Variants in ARHGAP17 observed in about 807,000 individuals in gnomAD.
The protein encoded by ARHGAP17 is Rho GTPase activating protein 17, also known as rho GTPase-activating protein 17.
Under a neutral mutation model 99.5 loss-of-function variants are expected in ARHGAP17, and 57 were observed. The ratio of observed to expected loss-of-function variants is 0.57; its 90% CI spans 0.46 to 0.71. The LOEUF (loss-of-function observed/expected upper bound fraction) is 0.71. ARHGAP17 is among the 30% of genes least tolerant of loss of function. The probability of loss-of-function intolerance (pLI) is 0.00; values close to 1 mark genes in which losing one functional copy is unlikely to be tolerated. For missense variants in ARHGAP17, 1,000 were observed against 1,122.4 expected (o/e 0.89, Z 1.56); for synonymous variants, 417 against 429.6 (o/e 0.97, Z 0.36).
At chr16:24,980,908 C>G (rs915505080) in intron 1 of ARHGAP17, among the ~76,000 whole-genome samples, 1 of 152,102 alleles carries the variant, frequency 6.6e-6, no homozygotes, top group Non-Finnish European at 1.5e-5. Context: ...CGAGTATACA[C>G]AGAGAAGTCT....
In ARHGAP17 at chr16:24,979,020, A is replaced by T; in HGVS notation, c.54-15T>A. 1 of 1,570,060 alleles carries T rather than the reference A, an allele frequency of 6.4e-7. No individual in the cohort carries two copies. The highest frequency in any genetic ancestry group is 8.6e-7 in the Non-Finnish European group (1 of 1,157,582). ...TTTTCTCAGCTCTGTGGGAAAAATT[A>T]AAAATTCAGAGTTAGAAATCCAAAA... is the stretch of plus-strand genomic sequence containing the variant. On this transcript the variant is annotated splice_polypyrimidine_tract_variant and intron_variant, in intron 1 of 19. Transcript: ENST00000289968.
Position 24,993,958 on chromosome 16 carries a change from C to T in ARHGAP17, c.54-14953G>A, listed in dbSNP as rs537463405. ...AACCTTCCAAACTGGGCTTTGCAAA[C>T]GTAGGACTGTAACTCCAAAAATGAC... On this transcript the variant is annotated intron_variant, in intron 1 of 19. Coordinates refer to ENST00000289968, the MANE Select transcript of ARHGAP17 (RefSeq NM_001006634.3). 4.6e-5 allele frequency among the ~76,000 whole-genome samples: 7 copies of T among 152,234 alleles called. No individual in the cohort carries two copies. In the South Asian group the frequency reaches 1.0e-3, roughly 23 times the overall value.
chr16:24,956,761 T>A (rs941984617), intron 9 of ARHGAP17: 2 of 152,368 alleles, frequency 1.3e-5, no homozygotes, highest in South Asian at 4.1e-4. Flanking sequence ...CATCAAACCA[T>A]CTGGTTTTCA....
At position 24,961,911 on chromosome 16, in the gene ARHGAP17, T is replaced by TTATATATATATATATATATATATATA. The variant is rs67952203; in HGVS notation, c.574-1933_574-1932insTATATATATATATATATATATATATA. Among the ~76,000 whole-genome samples the TTATATATATATATATATATATATATA allele has an allele frequency of 2.6e-3, 334 of 129,868 alleles. 4 individuals carry two copies. Among genetic ancestry groups the TTATATATATATATATATATATATATA allele is most frequent in the African/African-American group, 0.01 (326 of 31,212 alleles). The allele number at this position is 129,868 out of a possible 152,430, so 85.2% of individuals were successfully genotyped here. A position where few individuals can be genotyped will look rare whatever the true frequency, so the allele number is the denominator to read the frequency against. ...TCAAATATAAATATACATAGGAATT[T>TTATATATATATATATATATATATATA]TATATATATATATATATATGAAAAC... is the stretch of plus-strand genomic sequence containing the variant. On this transcript the variant is annotated intron_variant, in intron 7 of 19. Coordinates refer to ENST00000289968, the MANE Select transcript of ARHGAP17 (RefSeq NM_001006634.3).
chr16:24,934,812 T>A (rs191881327), intron 18 of ARHGAP17, among the ~76,000 whole-genome samples: 1 of 152,254 alleles, frequency 6.6e-6, no homozygotes, highest in East Asian at 1.9e-4. Context: ...CATGTGAAGA[T>A]ATGGGACAGA....
rs1187358009 is a variant in ARHGAP17, at chr16:24,952,502, AAG to A, written c.965-134_965-133del. The A allele has an allele frequency of 6.4e-6, 4 of 627,322 alleles. No individual in the cohort carries two copies. In the Admixed American group the frequency reaches 1.1e-4, roughly 17 times the overall value. 38.9% of individuals were successfully genotyped at this position (627,322 alleles called of 1,614,324 possible). On this transcript the variant is annotated intron_variant, in intron 11 of 19. Coordinates refer to ENST00000289968, the MANE Select transcript of ARHGAP17 (RefSeq NM_001006634.3). ...TGTACATAACAAATCATAAGTTGGC[AAG>A]AGTTGTTAGAGACTAAAATGTTCAT...
chr16:24,985,821 C>T (rs768343958), intron 1 of ARHGAP17, among the ~76,000 whole-genome samples: 9 of 152,054 alleles, frequency 5.9e-5, no homozygotes, highest in African/African-American at 1.4e-4. Flanking sequence ...CACACACATA[C>T]GTACACACAC....
At chr16:24,940,437 A>C (rs950829023) in intron 16 of ARHGAP17, among the ~76,000 whole-genome samples, 2 of 152,212 alleles carry the variant, frequency 1.3e-5, no homozygotes, top group Admixed American at 1.3e-4. Context: ...TCACACCTGT[A>C]ATCTTAGCAC....
At chr16:24,960,603 G>C (rs996728187) in intron 7 of ARHGAP17, among the ~76,000 whole-genome samples, 1 of 151,740 alleles carries the variant, frequency 6.6e-6, no homozygotes, top group African/African-American at 2.4e-5. Flanking sequence ...GGATCACAAC[G>C]TCAGGAGATT....
chr16:24,949,549 T>A, intron 12 of ARHGAP17, 65 bp from the exon 13 acceptor site: 3 of 1,407,716 alleles, frequency 2.1e-6, no homozygotes, highest in South Asian at 2.5e-5. Flanking sequence ...TAATATGCTA[T>A]GTTAAAAATG....
At chr16:25,008,758 C>T (rs1221470371) in intron 1 of ARHGAP17, among the ~76,000 whole-genome samples, 1 of 152,130 alleles carries the variant, frequency 6.6e-6, no homozygotes, top group South Asian at 2.1e-4. Context: ...AAAAATGATG[C>T]TAAATGAACA....
intron 1 of ARHGAP17, among the ~76,000 whole-genome samples, chr16:24,998,008 C>T (rs761176548): frequency 2.0e-5 from 3 of 151,870 alleles, no homozygotes; most frequent in Admixed American, 6.6e-5. Flanking sequence ...GCAGAGAAGA[C>T]GGAGGCTGAG....
intron 8 of ARHGAP17, 58 bp from the exon 9 acceptor site, chr16:24,959,810 C>T (rs1382472429): frequency 1.2e-6 from 2 of 1,606,084 alleles, no homozygotes; most frequent in Admixed American, 3.4e-5. Flanking sequence ...TGGACACACA[C>T]ACAATGGCTG....
At position 24,945,456 on chromosome 16, in the gene ARHGAP17, C is replaced by G. The variant is rs146116272; in HGVS notation, c.1242-1594G>C. On this transcript the variant is annotated intron_variant, in intron 14 of 19. Coordinates refer to ENST00000289968, the MANE Select transcript of ARHGAP17 (RefSeq NM_001006634.3). Reference sequence around the variant, plus strand: ...CAAACCACCTGCAAAAGGCCTGACACTTTCTGGCCACCTACCAGGCTTCAG... The same window carrying G: ...CAAACCACCTGCAAAAGGCCTGACAGTTTCTGGCCACCTACCAGGCTTCAG... Among the ~76,000 whole-genome samples, 699 of 152,298 alleles carry G rather than the reference C, an allele frequency of 4.6e-3. 2 individuals are homozygous for G. Among genetic ancestry groups the G allele is most frequent in the Admixed American group, 9.0e-3 (138 of 15,300 alleles).
intron 1 of ARHGAP17, among the ~76,000 whole-genome samples, chr16:24,988,553 T>C (rs1332739209): frequency 6.6e-6 from 1 of 152,214 alleles, no homozygotes; most frequent in East Asian, 1.9e-4. Context: ...TAAATGACAA[T>C]AAAAGCCTTC....
intron 1 of ARHGAP17, among the ~76,000 whole-genome samples, chr16:24,997,277 C>A (rs2053222736): frequency 6.6e-6 from 1 of 152,016 alleles, no homozygotes; most frequent in South Asian, 2.1e-4. Context: ...AGTACACACC[C>A]AGACTCATAT....
intron 7 of ARHGAP17, 21 bp downstream of exon 7, chr16:24,964,176 T>G: frequency 6.7e-7 from 1 of 1,494,338 alleles, no homozygotes; most frequent in Non-Finnish European, 9.0e-7. Context: ...AAAAGATACA[T>G]TTATCAAGGA....
intron 13 of ARHGAP17, 95 bp from the exon 14 acceptor site, chr16:24,947,690 T>A: frequency 3.0e-6 from 3 of 990,004 alleles, no homozygotes; most frequent in Non-Finnish European, 4.7e-6. Flanking sequence ...TTTGCTCAGG[T>A]GCTAACTGCA....
rs7197011 is a variant in ARHGAP17 at position 24,938,975 on chromosome 16, C to T, written c.1724+389G>A. 2.6e-3 allele frequency among the ~76,000 whole-genome samples: 396 copies of T among 152,108 alleles called. 5 individuals are homozygous for T. The highest frequency in any genetic ancestry group is 4.4e-3 in the African/African-American group (181 of 41,500). On this transcript the variant is annotated intron_variant, in intron 17 of 19. Transcript: ENST00000289968. The stretch of plus-strand genomic sequence containing the variant: ...AATGGGTGAATAAATGCCAGGAATA[C>T]GAAAATTTAACTAACTTGCCACACT...
Sources: allele counts gnomAD v4.1 joint callset (sites outside exome capture counted in the v4.1 genomes callset), GRCh38; gene constraint gnomAD v4.1.1; transcripts MANE v1.5; gene names NCBI Gene and HGNC (gene_info 2026-07-23, HGNC 2026-07-21).